Variants in CLASP2 observed in about 807,000 individuals in gnomAD.
CLASP2 encodes CLIP-associating protein 2.
Under a neutral mutation model 194.4 loss-of-function variants are expected in CLASP2, and 47 were observed. The ratio of observed to expected loss-of-function variants is 0.24; its 90% CI spans 0.19 to 0.31. The LOEUF is 0.31. Ranked by LOEUF, CLASP2 falls within the 10% of genes least tolerant of loss-of-function variation. CLASP2 has a pLI of 1.00. For missense variants in CLASP2, 1,445 were observed against 1,823.6 expected (o/e 0.79, Z 3.78); for synonymous variants, 619 against 633.5 (o/e 0.98, Z 0.34).
At chr3:33,636,673 T>C (rs2080204515) in intron 8 of CLASP2, among the ~76,000 whole-genome samples, 1 of 152,224 alleles carries the variant, frequency 6.6e-6, no homozygotes, top group African/African-American at 2.4e-5. Context: ...TGATCTCAGC[T>C]CACTGCAACC....
chr3:33,574,915 A>G (rs1170411667), intron 24 of CLASP2, among the ~76,000 whole-genome samples: 1 of 152,148 alleles, frequency 6.6e-6, no homozygotes. Flanking sequence ...GATTACTGGG[A>G]GTCAAACTTT....
intron 7 of CLASP2, among the ~76,000 whole-genome samples, chr3:33,647,509 T>TAAAGG (rs2082468370): frequency 6.6e-6 from 1 of 152,204 alleles, no homozygotes; most frequent in Non-Finnish European, 1.5e-5. Flanking sequence ...TCTTTTTCTA[T>TAAAGG]AAAGGACCAC....
chr3:33,500,730 T>C (rs2046660594), intron 38 of CLASP2, among the ~76,000 whole-genome samples: 2 of 150,448 alleles, frequency 1.3e-5, no homozygotes, highest in South Asian at 2.1e-4. Flanking sequence ...TTCCATTATA[T>C]GTATATTCTG....
chr3:33,522,318 A>G (rs892618007), intron 34 of CLASP2, among the ~76,000 whole-genome samples: 1 of 133,082 alleles, frequency 7.5e-6, no homozygotes, highest in African/African-American at 2.9e-5. Flanking sequence ...GTACAGGCTC[A>G]GAAAGGATCT....
intron 26 of CLASP2, among the ~76,000 whole-genome samples, chr3:33,569,915 T>C (rs149144600): frequency 2.8e-3 from 424 of 152,172 alleles, no homozygotes; most frequent in African/African-American, 9.4e-3. Context: ...GGAAATGAGA[T>C]GTGCAACAAT....
intron 1 of CLASP2, among the ~76,000 whole-genome samples, chr3:33,714,989 C>A (rs1448297455): frequency 6.6e-6 from 1 of 152,198 alleles, no homozygotes; most frequent in African/African-American, 2.4e-5. Flanking sequence ...GAATAAAATC[C>A]TATGACTTTA....
intron 33 of CLASP2, among the ~76,000 whole-genome samples, chr3:33,536,346 GATTA>G (rs1553737308): frequency 2.0e-5 from 3 of 152,062 alleles, no homozygotes; most frequent in Non-Finnish European, 4.4e-5. Flanking sequence ...GGAGTTCACA[GATTA>G]AATAGGATGA....
At chr3:33,689,402 C>A (rs1222082066) in intron 3 of CLASP2, among the ~76,000 whole-genome samples, 1 of 151,636 alleles carries the variant, frequency 6.6e-6, no homozygotes, top group Admixed American at 6.6e-5. Flanking sequence ...AAAATTAGTT[C>A]TGAAATATAA....
rs1263798822 is a variant in CLASP2 at position 33,684,407 on chromosome 3, C to T, written c.596G>A (p.Gly199Glu). The T allele has an allele frequency of 4.4e-6, 7 of 1,605,162 alleles. No homozygotes were observed. The highest frequency in any genetic ancestry group is 6.0e-6 in the Non-Finnish European group (7 of 1,175,468). ...LAIVEIYRHV[G>E]EKVRMDLYKR... ...ATAAAGATCCATCCTCACTTTTTCTCCCACATGTCTATAAATCTCCACTAT... is the reference window on the plus strand; with the variant it reads ...ATAAAGATCCATCCTCACTTTTTCTTCCACATGTCTATAAATCTCCACTAT... Residue 199 changes from glycine to glutamate, a missense_variant, in exon 6 of 39, where the codon GGA becomes GAA. Gly to Glu is a moderately conservative substitution (Grantham distance 98). This residue lies in a region of CLASP2 where 332 missense variants were observed against 325.3 expected (regional missense o/e 1.02). Coordinates refer to ENST00000682230, the MANE Select transcript of CLASP2 (RefSeq NM_001365631.1).
chr3:33,520,820 TACACACAC>T (rs57151303), intron 34 of CLASP2, among the ~76,000 whole-genome samples: 24,515 of 142,408 alleles, frequency 0.17, 2,337 homozygotes, highest in Admixed American at 0.3. Flanking sequence ...TGTAAATCTC[TACACACAC>T]ACACACACAC....
At chr3:33,531,943 C>G (rs917279585) in intron 34 of CLASP2, among the ~76,000 whole-genome samples, 4 of 152,100 alleles carry the variant, frequency 2.6e-5, no homozygotes, top group Non-Finnish European at 5.9e-5. Context: ...AATGGTATAC[C>G]TGCTATGGAA....
In CLASP2 at chr3:33,674,395, C is replaced by T. The variant is rs544033490; in HGVS notation, c.644+9964G>A. On this transcript the variant is annotated intron_variant, in intron 6 of 38. Coordinates refer to ENST00000682230, the MANE Select transcript of CLASP2 (RefSeq NM_001365631.1). ...AAATGAAGATGTTCTTTGAAACCAA[C>T]GAGAACAAAGACACAACATACCAGA... 4.9e-4 allele frequency among the ~76,000 whole-genome samples: 74 copies of T among 151,570 alleles called. No individual in the cohort carries two copies. In the East Asian group the frequency reaches 0.012, roughly 24 times the overall value.
intron 12 of CLASP2, 42 bp from the exon 13 acceptor site, chr3:33,612,113 T>A: frequency 8.1e-7 from 1 of 1,241,184 alleles, no homozygotes; most frequent in Non-Finnish European, 1.2e-6. Context: ...TACTACACAC[T>A]TCATGTGGTC....
intron 1 of CLASP2, among the ~76,000 whole-genome samples, chr3:33,714,113 T>C (rs1360707224): frequency 6.6e-6 from 1 of 152,134 alleles, no homozygotes; most frequent in Non-Finnish European, 1.5e-5. Flanking sequence ...TCTCAAAAAT[T>C]AAATGAGACA....
chr3:33,544,130 A>C (rs778926069), intron 31 of CLASP2, among the ~76,000 whole-genome samples: 1 of 152,186 alleles, frequency 6.6e-6, no homozygotes, highest in Non-Finnish European at 1.5e-5. Flanking sequence ...CATATAATGT[A>C]AGTTATTTCA....
At chr3:33,503,179 T>A (rs1277833890) in intron 37 of CLASP2, 4 of 152,152 alleles carry the variant, frequency 2.6e-5, no homozygotes, top group African/African-American at 9.7e-5. Context: ...AATGAGGTAT[T>A]ATGGGCAAGG....
At chr3:33,512,557 TAAAAAAA>T (rs71070140) in intron 36 of CLASP2, among the ~76,000 whole-genome samples, 10 of 12,476 alleles carry the variant, frequency 8.0e-4, no homozygotes, top group African/African-American at 3.3e-3. Context: ...TAGAGTATAA[TAAAAAAA>T]AAAAAAAAAA....
chr3:33,523,023 C>T (rs950278306), intron 34 of CLASP2, among the ~76,000 whole-genome samples: 11 of 152,212 alleles, frequency 7.2e-5, no homozygotes, highest in African/African-American at 2.2e-4. Context: ...TTGCAGTAAG[C>T]TGAGATCGCG....
intron 23 of CLASP2, among the ~76,000 whole-genome samples, chr3:33,579,300 G>C (rs2065529047): frequency 6.6e-6 from 1 of 152,082 alleles, no homozygotes; most frequent in Non-Finnish European, 1.5e-5. Context: ...AGATGAACTA[G>C]AATATTAATG....
Sources: gnomAD v4.1 joint callset for allele counts (sites outside exome capture counted in the v4.1 genomes callset) on GRCh38, gnomAD v4.1.1 for gene constraint, gnomAD v4.1.1 regional missense constraint, MANE v1.5 for transcripts, NCBI Gene and HGNC (gene_info 2026-07-23, HGNC 2026-07-21) for gene names.